The following PLCG2 variants were observed in gnomAD, a reference collection of about 807,000 sequenced individuals.
The protein encoded by PLCG2 is phospholipase C gamma 2, also known as 1-phosphatidylinositol 4,5-bisphosphate phosphodiesterase gamma-2.
A neutral mutation model predicts 175.6 loss-of-function variants in PLCG2; 69 were observed. The ratio of observed to expected loss-of-function variants is 0.39; its 90% CI spans 0.32 to 0.48. The LOEUF (loss-of-function observed/expected upper bound fraction) is 0.48. Ranked by LOEUF, PLCG2 falls within the 20% of genes least tolerant of loss-of-function variation. The pLI, the probability that PLCG2 is intolerant of heterozygous loss-of-function variation, is 0.91. For synonymous variants in PLCG2, 827 were observed against 624.0 expected (o/e 1.33, Z -4.85); for missense variants, 1,798 against 1,650.9 (o/e 1.09, Z -1.54).
Position 81,895,892 on chromosome 16 carries a change from G to A in PLCG2, c.1158G>A (p.Val386=), listed in dbSNP as rs774804571. ...RTTKIKFDDV[V]QAIKDHAFVT... is the part of the protein sequence containing the mutation. Reference sequence around the variant, plus strand: ...CCAAGATCAAGTTTGACGACGTCGTGCAGGCCATCAAAGACCACGCCTTTG... The same window carrying A: ...CCAAGATCAAGTTTGACGACGTCGTACAGGCCATCAAAGACCACGCCTTTG... Residue 386 remains valine, a synonymous_variant, in exon 13 of 33, where the codon GTG becomes GTA. Coordinates refer to ENST00000564138, the MANE Select transcript of PLCG2 (RefSeq NM_002661.5). The A allele has an allele frequency of 6.2e-7, 1 of 1,614,124 alleles. No individual in the cohort carries two copies. The highest frequency in any genetic ancestry group is 8.5e-7 in the Non-Finnish European group (1 of 1,180,018).
chr16:81,883,327 A>G lies in PLCG2; in HGVS notation c.751A>G (p.Ile251Val), dbSNP rs190840748. 1.9e-4 allele frequency: 311 copies of G among 1,613,966 alleles called. No homozygotes were observed. The highest frequency in any genetic ancestry group is 2.4e-4 in the Non-Finnish European group (283 of 1,179,890). The change falls in exon 9 of 33, where the codon ATA becomes GTA. Residue 251 changes from isoleucine to valine, a missense_variant. Ile to Val is a conservative substitution (Grantham distance 29). Transcript: ENST00000564138. ...VYLHDFQRFL[I>V]HEQQEHWAQD... ...CCTGCATGACTTCCAGAGGTTTCTC[A>G]TACATGAACAGCAGGTGAGAGCACA...
At chr16:81,771,100 A>C (rs1288799120) in intron 2 of PLCG2, among the ~76,000 whole-genome samples, 1 of 152,006 alleles carries the variant, frequency 6.6e-6, no homozygotes, top group Non-Finnish European at 1.5e-5. Flanking sequence ...GGCCCAGATC[A>C]TAAGTACAGA....
At chr16:81,749,098 G>T (rs952150946) in intron 1 of PLCG2, among the ~76,000 whole-genome samples, 4 of 152,118 alleles carry the variant, frequency 2.6e-5, no homozygotes, top group African/African-American at 9.7e-5. Context: ...CCTCAGTCAG[G>T]AAACAGCAGT....
At chr16:81,841,144 A>G (rs562130690) in intron 2 of PLCG2, among the ~76,000 whole-genome samples, 13 of 152,322 alleles carry the variant, frequency 8.5e-5, no homozygotes, top group Admixed American at 7.8e-4. Flanking sequence ...GTTGTTTATT[A>G]TCTTTTTAAC....
At chr16:81,777,824 T>C (rs1910468367), upstream of PLCG2, among the ~76,000 whole-genome samples, 1 of 151,662 alleles carries the variant, frequency 6.6e-6, no homozygotes, top group African/African-American at 2.4e-5. Flanking sequence ...GAGACCAATC[T>C]GGCCAACATA....
upstream of PLCG2, among the ~76,000 whole-genome samples, chr16:81,776,120 G>GTT (rs11379635): frequency 5.5e-3 from 542 of 97,878 alleles, 3 homozygotes; most frequent in African/African-American, 0.017. Context: ...TTTCTTTTTT[G>GTT]TTTTTTTTGA....
chr16:81,860,354 C>G (rs982329476), intron 5 of PLCG2, among the ~76,000 whole-genome samples: 3 of 151,926 alleles, frequency 2.0e-5, no homozygotes, highest in Non-Finnish European at 4.4e-5. Context: ...CTGTGGAAAC[C>G]TTTGGGTCTA....
intron 1 of PLCG2, among the ~76,000 whole-genome samples, chr16:81,746,706 C>G (rs1168274043): frequency 6.6e-6 from 1 of 152,170 alleles, no homozygotes; most frequent in African/African-American, 2.4e-5. Flanking sequence ...GCAGTTTAAC[C>G]TCCCAAGCAT....
At chr16:81,883,370 A>G in intron 9 of PLCG2, 29 bp downstream of exon 9, 1 of 1,587,882 alleles carries the variant, frequency 6.3e-7, no homozygotes, top group Non-Finnish European at 8.6e-7. Flanking sequence ...TGGGTGCCTG[A>G]GGGAGCTGGC....
chr16:81,941,165 A>ATT (rs1324758012), intron 30 of PLCG2, among the ~76,000 whole-genome samples: 2 of 152,194 alleles, frequency 1.3e-5, no homozygotes, highest in African/African-American at 2.4e-5. Flanking sequence ...TTTTTGTATA[A>ATT]TATCATAAAC....
chr16:81,900,782 T>TA lies in PLCG2; in HGVS notation c.1362+3dup, dbSNP rs769005537. On this transcript the variant is annotated splice_region_variant and intron_variant, in intron 14 of 32. Transcript: ENST00000564138. ...CTGCGGGAGAAGATCATCATCAAGG[T>TA]AGGCACCCCGGGTGCTGCTGTTGGC... 1.3e-6 allele frequency: 2 copies of TA among 1,595,670 alleles called. No homozygotes were observed. The highest frequency in any genetic ancestry group is 2.2e-5 in the South Asian group (2 of 90,632).
chr16:81,750,293 A>T (rs5001585), intron 1 of PLCG2, among the ~76,000 whole-genome samples: 79,367 of 151,598 alleles, frequency 0.52, 22,797 homozygotes, highest in Non-Finnish European at 0.64. Flanking sequence ...GGTGGCGGGC[A>T]TCCGTAATCC....
At chr16:81,921,527 A>C (rs369060306) in intron 21 of PLCG2, 2 of 473,248 alleles carry the variant, frequency 4.2e-6, no homozygotes. Context: ...CTTTGGGCCA[A>C]ATGGCTTCTA....
intron 9 of PLCG2, chr16:81,883,683 C>A: frequency 2.9e-6 from 1 of 341,840 alleles, no homozygotes; most frequent in Non-Finnish European, 5.5e-6. Flanking sequence ...CTTTTCTGGC[C>A]ATCATCTCAG....
chr16:81,808,647 C>T (rs1206354757), intron 2 of PLCG2, among the ~76,000 whole-genome samples: 2 of 152,148 alleles, frequency 1.3e-5, no homozygotes, highest in Non-Finnish European at 2.9e-5. Flanking sequence ...GTGCCCGCCA[C>T]CACGCCTGGC....
intron 2 of PLCG2, among the ~76,000 whole-genome samples, chr16:81,851,528 G>C (rs1014258753): frequency 6.6e-6 from 1 of 151,850 alleles, no homozygotes; most frequent in African/African-American, 2.4e-5. Flanking sequence ...TGTTGTTGTT[G>C]TTGAGGCGAA....
intron 2 of PLCG2, among the ~76,000 whole-genome samples, chr16:81,761,630 C>T (rs1001416919): frequency 7.2e-5 from 11 of 152,128 alleles, no homozygotes; most frequent in Non-Finnish European, 1.6e-4. Flanking sequence ...GAACACCCCT[C>T]ATGGGTTGGG....
At chr16:81,871,037 C>T (rs1217552683) in intron 7 of PLCG2, 102 bp downstream of exon 7, 1 of 593,586 alleles carries the variant, frequency 1.7e-6, no homozygotes, top group Admixed American at 3.5e-5. Context: ...GTTGAATCTC[C>T]ATTTTAGTCA....
chr16:81,914,203 A>C (rs1399971918), intron 19 of PLCG2, among the ~76,000 whole-genome samples: 4 of 152,224 alleles, frequency 2.6e-5, no homozygotes, highest in Non-Finnish European at 2.9e-5. Context: ...AACTAAACCC[A>C]ACTGGCTGAA....
Sources: gnomAD v4.1 joint callset for allele counts (sites outside exome capture counted in the v4.1 genomes callset) on GRCh38, gnomAD v4.1.1 for gene constraint, MANE v1.5 for transcripts, NCBI Gene and HGNC (gene_info 2026-07-23, HGNC 2026-07-21) for gene names.